Variants in SSH2 observed in about 807,000 individuals in gnomAD.
SSH2 encodes protein phosphatase Slingshot homolog 2.
A neutral mutation model predicts 135.2 loss-of-function variants in SSH2; 37 were observed. The ratio of observed to expected loss-of-function variants is 0.27; its 90% CI spans 0.21 to 0.36. SSH2 has a LOEUF of 0.36. Ranked by LOEUF, SSH2 falls within the 10% of genes least tolerant of loss-of-function variation. The pLI is 1.00. For missense variants in SSH2, 1,408 were observed against 1,765.3 expected (o/e 0.80, Z 3.63); for synonymous variants, 628 against 646.2 (o/e 0.97, Z 0.43).
chr17:29,675,101 A>C (rs886584176), intron 8 of SSH2, among the ~76,000 whole-genome samples: 1 of 152,198 alleles, frequency 6.6e-6, no homozygotes, highest in African/African-American at 2.4e-5. Flanking sequence ...GCCTTAGTCA[A>C]AGGGGGTCAT....
intron 3 of SSH2, among the ~76,000 whole-genome samples, chr17:29,741,523 G>A (rs577345940): frequency 4.5e-4 from 68 of 151,978 alleles, no homozygotes; most frequent in African/African-American, 1.6e-3. Context: ...TGAAAGAAAT[G>A]CATTTGGGGA....
At chr17:29,923,944 A>C (rs548084774) in intron 1 of SSH2, among the ~76,000 whole-genome samples, 1 of 152,294 alleles carries the variant, frequency 6.6e-6, no homozygotes, top group East Asian at 1.9e-4. Context: ...AGACTACTGA[A>C]TGCAGTGATT....
At chr17:29,710,322 G>A (rs2039387933) in intron 3 of SSH2, among the ~76,000 whole-genome samples, 2 of 152,200 alleles carry the variant, frequency 1.3e-5, no homozygotes, top group South Asian at 4.1e-4. Flanking sequence ...CCAAACTCTG[G>A]AGTTGGTTTG....
At chr17:29,725,104 C>T (rs1284609767) in intron 3 of SSH2, among the ~76,000 whole-genome samples, 1 of 151,200 alleles carries the variant, frequency 6.6e-6, no homozygotes, top group African/African-American at 2.4e-5. Context: ...TCCCAGCACT[C>T]TGGGAGGCCA....
chr17:29,652,633 A>T (rs1015866377), intron 12 of SSH2, among the ~76,000 whole-genome samples: 4 of 152,014 alleles, frequency 2.6e-5, no homozygotes, highest in Non-Finnish European at 5.9e-5. Context: ...CAGGCAACAC[A>T]CTTTCCTTAT....
At chr17:29,921,739 A>G (rs1285688883) in intron 1 of SSH2, among the ~76,000 whole-genome samples, 1 of 151,996 alleles carries the variant, frequency 6.6e-6, no homozygotes. Flanking sequence ...GCATCTGGCT[A>G]ATTTTTGTAT....
intron 9 of SSH2, among the ~76,000 whole-genome samples, chr17:29,668,384 C>T (rs535295770): frequency 3.5e-4 from 54 of 152,228 alleles, no homozygotes; most frequent in Non-Finnish European, 7.2e-4. Flanking sequence ...CTTTATTTGT[C>T]CTAGACATAG....
intron 3 of SSH2, among the ~76,000 whole-genome samples, chr17:29,731,928 C>T (rs62068608): frequency 0.083 from 12,612 of 152,152 alleles, 717 homozygotes; most frequent in Non-Finnish European, 0.13. Flanking sequence ...CCAACCCCCT[C>T]ACCCCACAAC....
At chr17:29,740,172 G>C (rs1213766175) in intron 3 of SSH2, among the ~76,000 whole-genome samples, 1 of 152,206 alleles carries the variant, frequency 6.6e-6, no homozygotes, top group Non-Finnish European at 1.5e-5. Context: ...AGTGAACAAA[G>C]GCTTGCTATG....
intron 3 of SSH2, among the ~76,000 whole-genome samples, chr17:29,780,015 G>T (rs777490625): frequency 6.6e-6 from 1 of 151,760 alleles, no homozygotes; most frequent in Non-Finnish European, 1.5e-5. Flanking sequence ...TCAGTTGTTC[G>T]AGACCAGTCT....
At chr17:29,799,112 T>C (rs537174709) in intron 2 of SSH2, among the ~76,000 whole-genome samples, 18 of 152,326 alleles carry the variant, frequency 1.2e-4, no homozygotes, top group South Asian at 2.1e-4. Flanking sequence ...CATCTACTTA[T>C]TACATATAGC....
intron 8 of SSH2, among the ~76,000 whole-genome samples, chr17:29,673,408 A>G (rs1423624280): frequency 6.6e-6 from 1 of 152,016 alleles, no homozygotes; most frequent in Non-Finnish European, 1.5e-5. Context: ...CATCTCTACT[A>G]AAAATACAAG....
At chr17:29,802,733 G>A (rs1276068448) in intron 2 of SSH2, among the ~76,000 whole-genome samples, 1 of 152,090 alleles carries the variant, frequency 6.6e-6, no homozygotes, top group Non-Finnish European at 1.5e-5. Flanking sequence ...TAAATTTGGG[G>A]AAGAGTGAGC....
chr17:29,861,750 G>A (rs2065769267), intron 1 of SSH2, among the ~76,000 whole-genome samples: 1 of 152,036 alleles, frequency 6.6e-6, no homozygotes, highest in Non-Finnish European at 1.5e-5. Flanking sequence ...GTAGAGATGA[G>A]GTTTCACTAT....
chr17:29,851,619 A>G (rs529213912), intron 1 of SSH2, among the ~76,000 whole-genome samples: 1 of 151,970 alleles, frequency 6.6e-6, no homozygotes, highest in African/African-American at 2.4e-5. Context: ...TAATAATAAT[A>G]ATGATAAAAA....
intron 3 of SSH2, among the ~76,000 whole-genome samples, chr17:29,757,541 G>A (rs1365081278): frequency 6.6e-6 from 1 of 151,834 alleles, no homozygotes. Flanking sequence ...GACCTCTAAA[G>A]TAATACTAAT....
intron 1 of SSH2, among the ~76,000 whole-genome samples, chr17:29,883,615 T>C (rs944791647): frequency 6.6e-6 from 1 of 152,232 alleles, no homozygotes; most frequent in Non-Finnish European, 1.5e-5. Context: ...TGTCATCCTG[T>C]ATAGTAAGGT....
At chr17:29,710,203 T>C (rs2039384065) in intron 3 of SSH2, among the ~76,000 whole-genome samples, 1 of 152,196 alleles carries the variant, frequency 6.6e-6, no homozygotes, top group African/African-American at 2.4e-5. Flanking sequence ...CTGTTCTACA[T>C]GCACACATAT....
At chr17:29,666,480 C>A (rs2037281696) in intron 11 of SSH2, among the ~76,000 whole-genome samples, 1 of 152,130 alleles carries the variant, frequency 6.6e-6, no homozygotes, top group Non-Finnish European at 1.5e-5. Context: ...GTCAGGAGTT[C>A]AAGACCAACG....
Sources: gnomAD v4.1 joint callset for allele counts (sites outside exome capture counted in the v4.1 genomes callset) on GRCh38, gnomAD v4.1.1 for gene constraint, MANE v1.5 for transcripts, NCBI Gene and HGNC (gene_info 2026-07-23, HGNC 2026-07-21) for gene names.